The following DPYD variants were observed in gnomAD, a reference collection of about 807,000 sequenced individuals.
DPYD encodes the protein dihydropyrimidine dehydrogenase.
A neutral mutation model predicts 116.2 loss-of-function variants in DPYD; 109 were observed. The ratio of observed to expected loss-of-function variants is 0.94; its 90% CI spans 0.80 to 1.10. The LOEUF is 1.10. Among genes scored for constraint, DPYD ranks in the 50% least tolerant of loss-of-function variants. DPYD has a pLI of 0.00. For synonymous variants in DPYD, 440 were observed against 432.0 expected (o/e 1.02, Z -0.23); for missense variants, 1,302 against 1,254.5 (o/e 1.04, Z -0.57).
intron 1 of DPYD, among the ~76,000 whole-genome samples, chr1:97,915,588 G>C (rs182437503): frequency 1.3e-5 from 2 of 152,238 alleles, no homozygotes; most frequent in Non-Finnish European, 2.9e-5. Context: ...TCTTGATATG[G>C]AGGATTATGA....
chr1:97,292,228 A>T (rs528647584), intron 18 of DPYD, among the ~76,000 whole-genome samples: 1 of 152,136 alleles, frequency 6.6e-6, no homozygotes, highest in Non-Finnish European at 1.5e-5. Flanking sequence ...TATAAGCTAC[A>T]TTGGTCTGTT....
intron 10 of DPYD, among the ~76,000 whole-genome samples, chr1:97,587,192 T>A (rs1654186833): frequency 6.6e-6 from 1 of 152,202 alleles, no homozygotes; most frequent in Non-Finnish European, 1.5e-5. Flanking sequence ...CATCCCCCTG[T>A]CATCATAAAG....
intron 5 of DPYD, among the ~76,000 whole-genome samples, chr1:97,711,627 C>T (rs1047191956): frequency 6.6e-6 from 1 of 151,872 alleles, no homozygotes; most frequent in African/African-American, 2.4e-5. Flanking sequence ...CTATGTTAGG[C>T]TCAGAAAAGT....
At chr1:97,325,709 A>G (rs1276512716) in intron 16 of DPYD, among the ~76,000 whole-genome samples, 1 of 152,028 alleles carries the variant, frequency 6.6e-6, no homozygotes, top group Non-Finnish European at 1.5e-5. Context: ...ACAACAGTGA[A>G]GGTGATTGTA....
chr1:97,173,750 A>T (rs918482417), intron 20 of DPYD, among the ~76,000 whole-genome samples: 1 of 149,990 alleles, frequency 6.7e-6, no homozygotes, highest in South Asian at 2.2e-4. Context: ...AATTAGTACC[A>T]AAAATCAAAA....
At chr1:97,894,941 C>A (rs908595533) in intron 1 of DPYD, among the ~76,000 whole-genome samples, 1 of 151,568 alleles carries the variant, frequency 6.6e-6, no homozygotes, top group East Asian at 1.9e-4. Context: ...GAATATCTTG[C>A]ATTTGCAAAA....
intron 21 of DPYD, among the ~76,000 whole-genome samples, chr1:97,093,254 C>T (rs1264530708): frequency 2.0e-5 from 3 of 152,050 alleles, no homozygotes; most frequent in Non-Finnish European, 4.4e-5. Flanking sequence ...TTATTTATTG[C>T]CCTGCAGAAG....
intron 10 of DPYD, among the ~76,000 whole-genome samples, chr1:97,584,041 A>AG (rs1341972697): frequency 6.6e-6 from 1 of 152,156 alleles, no homozygotes; most frequent in Non-Finnish European, 1.5e-5. Flanking sequence ...ACAGTGTAAA[A>AG]GTGTTCCTAT....
At chr1:97,365,031 G>A (rs979759479) in intron 16 of DPYD, among the ~76,000 whole-genome samples, 10 of 152,050 alleles carry the variant, frequency 6.6e-5, no homozygotes, top group African/African-American at 1.9e-4. Flanking sequence ...TTGTGAAGGT[G>A]GTGCCTCTGA....
At chr1:97,246,489 G>A (rs565993420) in intron 18 of DPYD, among the ~76,000 whole-genome samples, 1 of 152,224 alleles carries the variant, frequency 6.6e-6, no homozygotes, top group African/African-American at 2.4e-5. Flanking sequence ...AAGATAAGTG[G>A]GTAGGTCTGG....
chr1:97,080,507 C>G (rs1452442435), intron 22 of DPYD, among the ~76,000 whole-genome samples: 1 of 151,952 alleles, frequency 6.6e-6, no homozygotes, highest in East Asian at 1.9e-4. Context: ...TTTAAAAAGT[C>G]TGATCTGTAA....
chr1:97,366,186 T>A (rs1671027653), intron 16 of DPYD, among the ~76,000 whole-genome samples: 1 of 152,178 alleles, frequency 6.6e-6, no homozygotes, highest in South Asian at 2.1e-4. Flanking sequence ...TTCCTGTAGT[T>A]TATCTACTTA....
At chr1:97,598,752 T>G (rs886169754) in intron 8 of DPYD, among the ~76,000 whole-genome samples, 1 of 152,210 alleles carries the variant, frequency 6.6e-6, no homozygotes, top group South Asian at 2.1e-4. Flanking sequence ...TATAACTCAT[T>G]TTAATTCTCA....
intron 3 of DPYD, chr1:97,797,365 A>G (rs939445960): frequency 2.0e-5 from 3 of 152,162 alleles, no homozygotes; most frequent in Non-Finnish European, 4.4e-5. Flanking sequence ...CAGTAGGAAG[A>G]TCAGTTACTC....
At chr1:97,482,983 G>T (rs927272122) in intron 13 of DPYD, among the ~76,000 whole-genome samples, 1 of 151,920 alleles carries the variant, frequency 6.6e-6, no homozygotes, top group Non-Finnish European at 1.5e-5. Flanking sequence ...TTCTTGTACC[G>T]CTCTCTCATT....
intron 18 of DPYD, among the ~76,000 whole-genome samples, chr1:97,242,119 C>CGT (rs60099974): frequency 1.1e-3 from 20 of 17,824 alleles, no homozygotes; most frequent in Admixed American, 1.9e-3. Flanking sequence ...CGTGTGTGTG[C>CGT]GTGTGTATAT....
At chr1:97,336,411 A>G (rs1669285490) in intron 16 of DPYD, among the ~76,000 whole-genome samples, 1 of 152,174 alleles carries the variant, frequency 6.6e-6, no homozygotes, top group South Asian at 2.1e-4. Context: ...GTTCTCAATA[A>G]GTGTTTGTAG....
At chr1:97,229,578 ATATATATAT>A (rs1557956363) in intron 19 of DPYD, among the ~76,000 whole-genome samples, 1,323 of 72,724 alleles carry the variant, frequency 0.018, 35 homozygotes, top group African/African-American at 0.046. Context: ...ATATATATAT[ATATATATAT>A]ATACTGATTT....
chr1:97,907,300 T>C (rs1222975358), intron 1 of DPYD, among the ~76,000 whole-genome samples: 1 of 152,164 alleles, frequency 6.6e-6, no homozygotes, highest in Non-Finnish European at 1.5e-5. Flanking sequence ...TACCTGGTTC[T>C]TTTCCATATT....
Sources: gnomAD v4.1 joint callset for allele counts (sites outside exome capture counted in the v4.1 genomes callset) on GRCh38, gnomAD v4.1.1 for gene constraint, MANE v1.5 for transcripts, NCBI Gene and HGNC (gene_info 2026-07-23, HGNC 2026-07-21) for gene names.